The following GORASP2 variants were observed in gnomAD, a reference collection of about 807,000 sequenced individuals.
The protein encoded by GORASP2 is golgi reassembly stacking protein 2.
GORASP2 carries 22 observed loss-of-function variants against 45.7 expected under a neutral mutation model. That is an observed-to-expected ratio of 0.48 (90% CI 0.34 to 0.69). The LOEUF is 0.69. Ranked by LOEUF, GORASP2 falls within the 30% of genes least tolerant of loss-of-function variation. The pLI is 0.01. For synonymous variants in GORASP2, 221 were observed against 215.6 expected (o/e 1.02, Z -0.22); for missense variants, 491 against 562.7 (o/e 0.87, Z 1.29).
At chr2:170,931,673 T>C (rs1703826119) in intron 1 of GORASP2, among the ~76,000 whole-genome samples, 1 of 152,188 alleles carries the variant, frequency 6.6e-6, no homozygotes, top group Non-Finnish European at 1.5e-5. Flanking sequence ...ATTTCATGAG[T>C]CCCTATAATT....
chr2:170,954,394 G>A (rs1704373075), intron 5 of GORASP2: 1 of 391,856 alleles, frequency 2.6e-6, no homozygotes, highest in Non-Finnish European at 4.6e-6. Flanking sequence ...AAAAATAAAG[G>A]AGTAAGGGTG....
chr2:170,948,534 G>T (rs577301092), intron 2 of GORASP2, 104 bp downstream of exon 2: 3 of 639,880 alleles, frequency 4.7e-6, no homozygotes, highest in Non-Finnish European at 8.3e-6. Context: ...CAATCATTAT[G>T]TGTAGTATGC....
chr2:170,932,235 A>G (rs1211058816), intron 1 of GORASP2, among the ~76,000 whole-genome samples: 1 of 152,188 alleles, frequency 6.6e-6, no homozygotes. Flanking sequence ...TTCAAAAAAA[A>G]AAGAGTCTCT....
At chr2:170,954,576 C>G (rs893660169) in intron 5 of GORASP2, 74 bp from the exon 6 acceptor site, 3 of 1,273,498 alleles carry the variant, frequency 2.4e-6, no homozygotes, top group Non-Finnish European at 3.3e-6. Flanking sequence ...GTTACCCGCC[C>G]CCCCCAAAAA....
At chr2:170,965,362 G>A (rs1704660096) in intron 9 of GORASP2, among the ~76,000 whole-genome samples, 1 of 152,246 alleles carries the variant, frequency 6.6e-6, no homozygotes, top group African/African-American at 2.4e-5. Flanking sequence ...CTTCGCAGGA[G>A]GGTTGCAGCC....
At position 170,951,342 on chromosome 2, in the gene GORASP2, C is replaced by G; in HGVS notation, c.450C>G (p.Phe150Leu). 1 of 1,607,122 alleles carries G rather than the reference C, an allele frequency of 6.2e-7. No individual in the cohort carries two copies. Among genetic ancestry groups the G allele is most frequent in the South Asian group, 1.1e-5 (1 of 89,808 alleles). The change falls in exon 5 of 10, where the codon TTC becomes TTG. Residue 150 changes from phenylalanine to leucine, a missense_variant. Coordinates refer to ENST00000234160, the MANE Select transcript of GORASP2 (RefSeq NM_015530.5). ...CACTTTTGCAGTCTGAAGATCTATT[C>G]AGCCTTATCGAAACACATGAAGCAA... ...DTVMNESEDL[F>L]SLIETHEAKP...
In GORASP2 at chr2:170,961,685, GCCA is replaced by G. The variant is rs1704565550; in HGVS notation, c.851_853del (p.Pro284del). On this transcript the variant is annotated inframe_deletion, in exon 8 of 10. Transcript: ENST00000234160. ...TAGGTGTACCAACAGTACCGTTATT[GCCA>G]CCACAAGTAAACCAGTCCCTCACTT... 2.5e-6 allele frequency: 4 copies of G among 1,589,390 alleles called. No homozygotes were observed. Among genetic ancestry groups the G allele is most frequent in the Non-Finnish European group, 3.5e-6 (4 of 1,157,470 alleles).
chr2:170,950,386 A>G (rs899356773), intron 4 of GORASP2, 96 bp downstream of exon 4: 47 of 616,116 alleles, frequency 7.6e-5, no homozygotes, highest in Non-Finnish European at 1.1e-4. Context: ...ATTTAGAGTT[A>G]AAATTTCAGT....
intron 7 of GORASP2, 132 bp from the exon 8 acceptor site, chr2:170,961,521 ACAGTCAGTTG>A: frequency 1.5e-6 from 1 of 669,408 alleles, no homozygotes. Flanking sequence ...AGGGTGATGG[ACAGTCAGTTG>A]CAGCTGGAAA....
At chr2:170,938,813 A>G (rs1704012391) in intron 1 of GORASP2, among the ~76,000 whole-genome samples, 1 of 152,170 alleles carries the variant, frequency 6.6e-6, no homozygotes, top group Non-Finnish European at 1.5e-5. Context: ...CAACATGGTG[A>G]AACCTTGTCT....
chr2:170,929,729 C>G (rs3770442), intron 1 of GORASP2: 8 of 561,560 alleles, frequency 1.4e-5, no homozygotes, highest in African/African-American at 5.7e-5. Flanking sequence ...CTCCACCCCC[C>G]CTCATTTTTA....
At chr2:170,946,218 C>G (rs1372080810) in intron 1 of GORASP2, among the ~76,000 whole-genome samples, 1 of 152,054 alleles carries the variant, frequency 6.6e-6, no homozygotes, top group African/African-American at 2.4e-5. Flanking sequence ...ATTGCCCAGG[C>G]TAGTCTCAAA....
chr2:170,963,450 G>GCTCCTC (rs564256437), intron 9 of GORASP2, among the ~76,000 whole-genome samples: 19 of 134,368 alleles, frequency 1.4e-4, no homozygotes, highest in Admixed American at 3.1e-4. Context: ...TGCTGCTGCT[G>GCTCCTC]CTCCTCCTCC....
chr2:170,961,782 A>ACTGTT, intron 8 of GORASP2, 33 bp downstream of exon 8: 1 of 972,202 alleles, frequency 1.0e-6, no homozygotes, highest in Non-Finnish European at 1.7e-6. Context: ...TGTGGCTGAT[A>ACTGTT]ATAACAGTAT....
At chr2:170,930,680 G>A (rs1039857626) in intron 1 of GORASP2, among the ~76,000 whole-genome samples, 1 of 151,918 alleles carries the variant, frequency 6.6e-6, no homozygotes, top group Non-Finnish European at 1.5e-5. Context: ...GGAAAAGGGA[G>A]CCTATAAATA....
intron 5 of GORASP2, among the ~76,000 whole-genome samples, chr2:170,953,394 G>T (rs1358873058): frequency 6.6e-6 from 1 of 151,238 alleles, no homozygotes; most frequent in African/African-American, 2.5e-5. Context: ...AAATTAAAAA[G>T]GCTGAAGTTG....
At chr2:170,964,459 C>T (rs574820635) in intron 9 of GORASP2, among the ~76,000 whole-genome samples, 2 of 152,258 alleles carry the variant, frequency 1.3e-5, no homozygotes, top group Admixed American at 1.3e-4. Context: ...TCGAGACCAG[C>T]CTGACCAACA....
At chr2:170,965,217 G>T (rs966850958) in intron 9 of GORASP2, among the ~76,000 whole-genome samples, 1 of 152,112 alleles carries the variant, frequency 6.6e-6, no homozygotes, top group Non-Finnish European at 1.5e-5. Flanking sequence ...GCCTGGCCTT[G>T]CATTTTAAAA....
chr2:170,933,040 C>CT (rs35969498), intron 1 of GORASP2, among the ~76,000 whole-genome samples: 10 of 150,886 alleles, frequency 6.6e-5, no homozygotes, highest in Admixed American at 4.0e-4. Flanking sequence ...TGGATGGTGA[C>CT]TTTTTTTTTA....
Sources: allele counts gnomAD v4.1 joint callset (sites outside exome capture counted in the v4.1 genomes callset), GRCh38; gene constraint gnomAD v4.1.1; transcripts MANE v1.5; gene names NCBI Gene and HGNC (gene_info 2026-07-23, HGNC 2026-07-21).